RECQL5: variants seen among roughly 807,000 people sequenced by gnomAD.
RECQL5 encodes ATP-dependent DNA helicase Q5.
RECQL5 carries 88 observed loss-of-function variants against 103.4 expected under a neutral mutation model. That is an observed-to-expected ratio of 0.85 (90% CI 0.72 to 1.02). The LOEUF (loss-of-function observed/expected upper bound fraction) is 1.02. Among genes scored for constraint, RECQL5 ranks in the 50% least tolerant of loss-of-function variants. RECQL5 has a pLI of 0.00. For synonymous variants in RECQL5, 552 were observed against 507.9 expected (o/e 1.09, Z -1.17); for missense variants, 1,232 against 1,284.3 (o/e 0.96, Z 0.62).
Position 75,627,231 on chromosome 17 carries a change from A to G in RECQL5, c.*191T>C. On this transcript the variant is annotated 3_prime_UTR_variant, in exon 20 of 20. Coordinates refer to ENST00000317905, the MANE Select transcript of RECQL5 (RefSeq NM_004259.7). ...TCTGAGAAGGGTCTATAGGCTTTGCAAGCAGAAAGAAAGGTGGGCTGACCT... is the reference window on the plus strand; with the variant it reads ...TCTGAGAAGGGTCTATAGGCTTTGCGAGCAGAAAGAAAGGTGGGCTGACCT... The G allele has an allele frequency of 1.5e-6, 1 of 668,658 alleles. No homozygotes were observed. The allele number at this position is 668,658 out of a possible 1,614,324, so 41.4% of individuals were successfully genotyped here. A position where few individuals can be genotyped will look rare whatever the true frequency, so the allele number is the denominator to read the frequency against.
chr17:75,630,870 C>T (rs777620830), intron 11 of RECQL5, 33 bp from the exon 12 acceptor site: 18 of 1,495,692 alleles, frequency 1.2e-5, no homozygotes, highest in Admixed American at 6.2e-5. Context: ...TTGGTCCTTT[C>T]GCTCCACCTT....
At chr17:75,633,961 T>TG (rs1295532452) in intron 8 of RECQL5, 1 of 985,398 alleles carries the variant, frequency 1.0e-6, no homozygotes. Context: ...GACATGAAGT[T>TG]GGAGGACAAG....
At position 75,627,665 on chromosome 17, in the gene RECQL5, G is replaced by C; in HGVS notation, c.2833C>G (p.Leu945Val). 6.2e-7 allele frequency: 1 copy of C among 1,611,060 alleles called. No individual in the cohort carries two copies. The highest frequency in any genetic ancestry group is 8.5e-7 in the Non-Finnish European group (1 of 1,178,608). Residue 945 changes from leucine (L) to valine (V), a missense_variant, in exon 19 of 20, where the codon CTC (leucine) becomes GTC (valine). Physicochemically the swap from Leu to Val is conservative, Grantham distance 32. Transcript: ENST00000317905. Reference sequence around the variant, plus strand: ...GTCTTCTGAGTCAGCAAGTGTGAGAGGTGGCGGGCAAAGCCTTTAAACAAC... The same window carrying C: ...GTCTTCTGAGTCAGCAAGTGTGAGACGTGGCGGGCAAAGCCTTTAAACAAC... ...KELFKGFARH[L>V]SHLLTQKTSP...
chr17:75,651,009 C>T (rs768967750), intron 8 of RECQL5, 177 bp downstream of exon 8: 2 of 1,515,960 alleles, frequency 1.3e-6, no homozygotes, highest in Non-Finnish European at 1.8e-6. Context: ...GATCCCGGGG[C>T]CTCCAATAGA....
chr17:75,627,334 C>T lies in RECQL5; in HGVS notation c.*88G>A, dbSNP rs886818012. 2.1e-5 allele frequency: 21 copies of T among 996,792 alleles called. No individual in the cohort carries two copies. Among genetic ancestry groups the T allele is most frequent in the Non-Finnish European group, 2.8e-5 (18 of 634,262 alleles). 61.7% of individuals were successfully genotyped at this position (996,792 alleles called of 1,614,324 possible). A position where few individuals can be genotyped will look rare whatever the true frequency, so the allele number is the denominator to read the frequency against. Reference sequence around the variant, plus strand: ...GGAAAGGAGAAGGACTGAGAAAAGACGATGGCCCTGGCATCAGCAGGTGAG... The same window carrying T: ...GGAAAGGAGAAGGACTGAGAAAAGATGATGGCCCTGGCATCAGCAGGTGAG... On this transcript the variant is annotated 3_prime_UTR_variant, in exon 20 of 20. Transcript: ENST00000317905.
At chr17:75,631,055 C>T (rs200412197) in intron 10 of RECQL5, 45 bp from the exon 11 acceptor site, 4 of 1,613,118 alleles carry the variant, frequency 2.5e-6, no homozygotes, top group Admixed American at 3.3e-5. Flanking sequence ...TGCCCTGCCG[C>T]AGGACAGTCC....
chr17:75,651,034 T>C, intron 8 of RECQL5, 152 bp downstream of exon 8: 2 of 1,546,374 alleles, frequency 1.3e-6, no homozygotes, highest in Non-Finnish European at 1.7e-6. Context: ...AGCAAGGTCC[T>C]GACTTCCACA....
intron 8 of RECQL5, chr17:75,633,388 C>A: frequency 7.9e-7 from 1 of 1,261,746 alleles, no homozygotes; most frequent in African/African-American, 1.5e-5. Flanking sequence ...GGGCCCGGCC[C>A]CTGGACTCTG....
intron 8 of RECQL5, 104 bp downstream of exon 8, chr17:75,651,082 T>A: frequency 6.2e-7 from 1 of 1,601,114 alleles, no homozygotes; most frequent in Non-Finnish European, 8.5e-7. Flanking sequence ...AGGTGTCCCT[T>A]GGTAGCCTAC....
rs1239201921 is a variant in RECQL5, at chr17:75,636,536, TG to T, written c.1230-4869del. The T allele has an allele frequency of 1.1e-4, 17 of 152,180 alleles. No homozygotes were observed. The highest frequency in any genetic ancestry group is 3.2e-3 in the Middle Eastern group (1 of 316). The allele number at this position is 152,180 out of a possible 1,614,324, so 9.4% of individuals were successfully genotyped here. ...CTAAGGTTCCCTTAGGAGCAGCGGC[TG>T]GGGCACATGCCACACAGTCACCTGA... On this transcript the variant is annotated intron_variant, in intron 8 of 19. Transcript: ENST00000317905. This position sits in a 1 kb window ranked among gnomAD's most constrained non-coding sequence, Gnocchi z 5.4.
chr17:75,631,111 C>T (rs1333526887), intron 10 of RECQL5, 39 bp downstream of exon 10: 2 of 1,610,592 alleles, frequency 1.2e-6, no homozygotes, highest in Non-Finnish European at 1.7e-6. Context: ...CAGGGGGCCA[C>T]CAGGGGCCCC....
In RECQL5 at chr17:75,662,892, T is replaced by C; in HGVS notation, c.358A>G (p.Lys120Glu). 1.2e-6 allele frequency: 2 copies of C among 1,614,108 alleles called. No individual in the cohort carries two copies. The highest frequency in any genetic ancestry group is 1.3e-5 in the African/African-American group (1 of 75,028). Residue 120 changes from lysine to glutamate, a missense_variant, in exon 4 of 20, where the codon AAG becomes GAG. By Grantham distance (56) the Lys-to-Glu change is moderately conservative. Transcript: ENST00000317905. ...ATGTACAGAATCTTGGTCTGGGGCT[T>C]TTCTCGCTCCAGGTCAGCAAGCAGC... is the stretch of plus-strand genomic sequence containing the variant. ...KELLADLEREKPQTKILYITP... is the reference protein window; with the variant it reads ...KELLADLEREEPQTKILYITP...
intron 8 of RECQL5, among the ~76,000 whole-genome samples, chr17:75,635,380 C>T (rs927493767): frequency 6.6e-6 from 1 of 152,174 alleles, no homozygotes; most frequent in Admixed American, 6.5e-5. Flanking sequence ...CCACAGGACA[C>T]GAGTGGACAG....
chr17:75,640,042 G>A lies in RECQL5; in HGVS notation c.1230-8374C>T, dbSNP rs2059404541. 2 of 1,018,968 alleles carry A rather than the reference G, an allele frequency of 2.0e-6. No individual in the cohort carries two copies. Among genetic ancestry groups the A allele is most frequent in the Non-Finnish European group, 2.7e-6 (2 of 727,340 alleles). 63.1% of individuals were successfully genotyped at this position (1,018,968 alleles called of 1,614,324 possible). ...CCACTAGGTGGAAGTCACCAGGGGT[G>A]CAATGTGTGAGACCTGACAAACTTG... On this transcript the variant is annotated intron_variant, in intron 8 of 19. Transcript: ENST00000317905. This position sits in a 1 kb window ranked among gnomAD's most constrained non-coding sequence, Gnocchi z 4.6.
At chr17:75,631,085 G>A in intron 10 of RECQL5, 65 bp downstream of exon 10, 4 of 1,608,476 alleles carry the variant, frequency 2.5e-6, no homozygotes, top group Non-Finnish European at 3.4e-6. Context: ...CCAGAGAAGG[G>A]GCTGAGAGGT....
chr17:75,633,495 G>C (rs2059261053), intron 8 of RECQL5: 1 of 1,288,918 alleles, frequency 7.8e-7, no homozygotes, highest in Non-Finnish European at 1.0e-6. Flanking sequence ...CGGGCGCGCA[G>C]GCCACTCCCA....
intron 5 of RECQL5, among the ~76,000 whole-genome samples, 167 bp downstream of exon 5, chr17:75,661,439 T>C (rs2059697941): frequency 6.6e-6 from 1 of 152,214 alleles, no homozygotes; most frequent in African/African-American, 2.4e-5. Context: ...TTAGACCTCA[T>C]TCATGTCTAG....
Position 75,630,823 on chromosome 17 carries a change from G to A in RECQL5, c.1600C>T (p.Leu534=), listed in dbSNP as rs1161988046. 5 of 1,492,572 alleles carry A rather than the reference G, an allele frequency of 3.3e-6. No homozygotes were observed. The allele number at this position is 1,492,572 out of a possible 1,614,324, so 92.5% of individuals were successfully genotyped here. A position where few individuals can be genotyped will look rare whatever the true frequency, so the allele number is the denominator to read the frequency against. ...ATCCTCCTGCTAGAAGCCTCTTTCA[G>A]GGGACAGTTCTCATCTGTGGGGGGG... ...EFVPPDENCP[L]KEASSRRIPR... is the part of the protein sequence containing the mutation. Residue 534 remains leucine (L), a synonymous_variant, in exon 12 of 20, where the codon CTG becomes TTG. Transcript: ENST00000317905.
rs760009824 is a variant in RECQL5, at chr17:75,628,266, CACA to C, written c.2754_2756del (p.Val920del). The C allele has an allele frequency of 3.1e-6, 5 of 1,614,134 alleles. No individual in the cohort carries two copies. The highest frequency in any genetic ancestry group is 4.2e-6 in the Non-Finnish European group (5 of 1,180,034). On this transcript the variant is annotated inframe_deletion, in exon 18 of 20. Transcript: ENST00000317905. ...TGTAGAAAGGGGTGAGGCACTTGAC[CACA>C]ACATTTGCAGCCTCCTTCAAGGAGA...
Sources: gnomAD v4.1 joint callset for allele counts (sites outside exome capture counted in the v4.1 genomes callset) on GRCh38, gnomAD v4.1.1 for gene constraint, Gnocchi (gnomAD v3.1) non-coding constraint, MANE v1.5 for transcripts, NCBI Gene and HGNC (gene_info 2026-07-23, HGNC 2026-07-21) for gene names.